RFX3: variants seen among roughly 807,000 people sequenced by gnomAD.
RFX3 encodes the protein transcription factor RFX3.
In RFX3, 14 loss-of-function variants were observed where a neutral mutation model predicts 98.6. That is an observed-to-expected ratio of 0.14 (90% CI 0.09 to 0.22). The LOEUF (loss-of-function observed/expected upper bound fraction) is 0.22, where lower values mean the gene tolerates loss of function less well. Among genes scored for constraint, RFX3 ranks in the 10% least tolerant of loss-of-function variants. RFX3 has a pLI of 1.00. For missense variants in RFX3, 639 were observed against 926.9 expected (o/e 0.69, Z 4.03); for synonymous variants, 383 against 328.4 (o/e 1.17, Z -1.80).
chr9:3,231,720 T>A (rs985312483), intron 15 of RFX3, among the ~76,000 whole-genome samples: 1 of 151,360 alleles, frequency 6.6e-6, no homozygotes, highest in Non-Finnish European at 1.5e-5. Flanking sequence ...AGAAGAAAAA[T>A]AGTACCATAG....
chr9:3,465,632 T>C (rs1036737910), intron 1 of RFX3, among the ~76,000 whole-genome samples: 2 of 151,986 alleles, frequency 1.3e-5, no homozygotes, highest in African/African-American at 4.8e-5. Flanking sequence ...TATTACAAGT[T>C]CAATGAAAAT....
intron 1 of RFX3, among the ~76,000 whole-genome samples, chr9:3,467,601 G>T (rs149771986): frequency 6.6e-6 from 1 of 151,944 alleles, no homozygotes. Context: ...GAAAATACTG[G>T]ACTAGTAGCT....
chr9:3,505,457 T>A (rs1305685618), intron 1 of RFX3, among the ~76,000 whole-genome samples: 2 of 140,314 alleles, frequency 1.4e-5, no homozygotes, highest in Non-Finnish European at 3.1e-5. Context: ...ATATAAAATA[T>A]AAAATAAAAT....
chr9:3,350,387 T>C (rs533719895), intron 2 of RFX3, among the ~76,000 whole-genome samples: 39 of 152,290 alleles, frequency 2.6e-4, no homozygotes, highest in South Asian at 6.2e-4. Context: ...TGAATTAGAA[T>C]GGCCAAAATC....
intron 7 of RFX3, among the ~76,000 whole-genome samples, chr9:3,285,204 A>C (rs1826420218): frequency 6.6e-6 from 1 of 151,840 alleles, no homozygotes; most frequent in African/African-American, 2.4e-5. Flanking sequence ...ACATGGATGC[A>C]TTTAATAAAC....
At chr9:3,310,906 T>C (rs1470519498) in intron 4 of RFX3, among the ~76,000 whole-genome samples, 1 of 152,160 alleles carries the variant, frequency 6.6e-6, no homozygotes, top group Admixed American at 6.5e-5. Flanking sequence ...ATTTGCTAAA[T>C]GATTTACTGT....
At chr9:3,405,843 T>G (rs1841912614) in intron 1 of RFX3, among the ~76,000 whole-genome samples, 1 of 152,204 alleles carries the variant, frequency 6.6e-6, no homozygotes, top group African/African-American at 2.4e-5. Flanking sequence ...TAACAAGGCT[T>G]AGGAGGCTCT....
intron 1 of RFX3, among the ~76,000 whole-genome samples, chr9:3,434,471 A>G (rs1844938497): frequency 6.6e-6 from 1 of 152,144 alleles, no homozygotes; most frequent in Non-Finnish European, 1.5e-5. Context: ...TATACACTAC[A>G]AAAGCTAGTT....
intron 7 of RFX3, among the ~76,000 whole-genome samples, chr9:3,286,454 G>T (rs1160405141): frequency 6.6e-6 from 1 of 151,638 alleles, no homozygotes; most frequent in African/African-American, 2.4e-5. Context: ...AAACCTTTAA[G>T]ATATCTTTTA....
chr9:3,342,824 G>C (rs993324143), intron 3 of RFX3, among the ~76,000 whole-genome samples: 1 of 152,132 alleles, frequency 6.6e-6, no homozygotes, highest in East Asian at 1.9e-4. Flanking sequence ...TGATGATCAA[G>C]CCTTTGGGAA....
At chr9:3,425,620 C>T (rs1587632061) in intron 1 of RFX3, among the ~76,000 whole-genome samples, 1 of 152,156 alleles carries the variant, frequency 6.6e-6, no homozygotes, top group Non-Finnish European at 1.5e-5. Flanking sequence ...TAATGTGGCA[C>T]ATTATAGTAT....
At chr9:3,272,690 A>G (rs900388732) in intron 9 of RFX3, among the ~76,000 whole-genome samples, 2 of 152,214 alleles carry the variant, frequency 1.3e-5, no homozygotes, top group Non-Finnish European at 2.9e-5. Flanking sequence ...TGGAGCAACT[A>G]TTAATACCTT....
chr9:3,505,164 T>C (rs1264891287), intron 1 of RFX3, among the ~76,000 whole-genome samples: 30 of 95,690 alleles, frequency 3.1e-4, no homozygotes, highest in African/African-American at 1.2e-3. Context: ...ATGAAATATA[T>C]TTTATATTCA....
intron 1 of RFX3, among the ~76,000 whole-genome samples, chr9:3,410,660 T>A (rs1233961605): frequency 1.3e-5 from 2 of 152,222 alleles, no homozygotes; most frequent in Non-Finnish European, 2.9e-5. Flanking sequence ...TCAAACAGCA[T>A]GAAATGCTCG....
At chr9:3,524,556 T>TAAA in intron 1 of RFX3, 13 of 771,262 alleles carry the variant, frequency 1.7e-5, no homozygotes, top group Non-Finnish European at 1.7e-5. Flanking sequence ...ATGAGGAGAT[T>TAAA]AAAAAAAAAA....
At chr9:3,335,703 G>T (rs1241184143) in intron 3 of RFX3, among the ~76,000 whole-genome samples, 1 of 152,142 alleles carries the variant, frequency 6.6e-6, no homozygotes, top group Non-Finnish European at 1.5e-5. Flanking sequence ...TCTTTCCATT[G>T]TTCTGCATAT....
intron 2 of RFX3, among the ~76,000 whole-genome samples, chr9:3,374,113 CACAA>C (rs1838180264): frequency 6.6e-6 from 1 of 151,440 alleles, no homozygotes; most frequent in Non-Finnish European, 1.5e-5. Flanking sequence ...CACACACACA[CACAA>C]ACCCCACAAC....
chr9:3,306,155 C>T (rs751423596), intron 4 of RFX3, among the ~76,000 whole-genome samples: 2 of 152,038 alleles, frequency 1.3e-5, no homozygotes, highest in East Asian at 3.9e-4. Flanking sequence ...AAAGTAGGCT[C>T]ATTGATCCAA....
At chr9:3,415,762 T>C (rs1262189715) in intron 1 of RFX3, among the ~76,000 whole-genome samples, 1 of 152,200 alleles carries the variant, frequency 6.6e-6, no homozygotes, top group African/African-American at 2.4e-5. Context: ...ATTCTAATTC[T>C]ATAATATGAA....
Sources: gnomAD v4.1 joint callset for allele counts (sites outside exome capture counted in the v4.1 genomes callset) on GRCh38, gnomAD v4.1.1 for gene constraint, MANE v1.5 for transcripts, NCBI Gene and HGNC (gene_info 2026-07-23, HGNC 2026-07-21) for gene names.